The following CACNA1C variants were observed in gnomAD, a reference collection of about 807,000 sequenced individuals.
CACNA1C encodes the protein voltage-dependent L-type calcium channel subunit alpha-1C.
CACNA1C carries 30 observed loss-of-function variants against 229.0 expected under a neutral mutation model. The ratio of observed to expected loss-of-function variants is 0.13; its 90% CI spans 0.10 to 0.18. The LOEUF (loss-of-function observed/expected upper bound fraction) is 0.18. Among genes scored for constraint, CACNA1C ranks in the 10% least tolerant of loss-of-function variants. The pLI, the probability that CACNA1C is intolerant of heterozygous loss-of-function variation, is 1.00. For missense variants in CACNA1C, 1,658 were observed against 2,845.0 expected (o/e 0.58, Z 9.49); for synonymous variants, 1,114 against 1,132.5 (o/e 0.98, Z 0.33).
chr12:2,203,357 G>A (rs975826591), intron 3 of CACNA1C, among the ~76,000 whole-genome samples: 7 of 152,158 alleles, frequency 4.6e-5, no homozygotes, highest in Non-Finnish European at 7.4e-5. Context: ...GGGACTGTTC[G>A]TTGTTAGGGG....
At chr12:2,155,248 C>T (rs2095500382) in intron 3 of CACNA1C, among the ~76,000 whole-genome samples, 1 of 152,142 alleles carries the variant, frequency 6.6e-6, no homozygotes, top group African/African-American at 2.4e-5. Context: ...ATTGATGGAC[C>T]TGTGGACAAC....
chr12:2,040,646 G>A (rs905513985), intron 1 of CACNA1C, among the ~76,000 whole-genome samples: 2 of 152,180 alleles, frequency 1.3e-5, no homozygotes, highest in African/African-American at 2.4e-5. Flanking sequence ...TTTTTCCAAA[G>A]AGGAATAAAA....
chr12:2,558,564 G>A (rs939048866), intron 11 of CACNA1C, among the ~76,000 whole-genome samples: 1 of 152,174 alleles, frequency 6.6e-6, no homozygotes, highest in Non-Finnish European at 1.5e-5. Context: ...TTGGCCTACC[G>A]GTGTCCCATC....
At chr12:2,468,632 G>A (rs1399393848) in intron 5 of CACNA1C, among the ~76,000 whole-genome samples, 1 of 152,232 alleles carries the variant, frequency 6.6e-6, no homozygotes, top group Non-Finnish European at 1.5e-5. Context: ...TGGCTCTAGA[G>A]ATTGAGAGTA....
chr12:2,342,812 T>A (rs926586140), intron 3 of CACNA1C, among the ~76,000 whole-genome samples: 4 of 152,200 alleles, frequency 2.6e-5, no homozygotes, highest in Non-Finnish European at 4.4e-5. Context: ...GTGTTGTCTT[T>A]GTGAGCCCTT....
At chr12:2,164,175 TC>T in intron 3 of CACNA1C, among the ~76,000 whole-genome samples, 1 of 152,296 alleles carries the variant, frequency 6.6e-6, no homozygotes, top group East Asian at 1.9e-4. Context: ...TTTAAGAATA[TC>T]CCCTTGCACC....
chr12:2,246,980 C>G (rs2073590690), intron 3 of CACNA1C, among the ~76,000 whole-genome samples: 1 of 152,194 alleles, frequency 6.6e-6, no homozygotes, highest in South Asian at 2.1e-4. Flanking sequence ...CTACACATGC[C>G]TGCAATAACT....
intron 3 of CACNA1C, among the ~76,000 whole-genome samples, chr12:2,387,570 A>G (rs1423858217): frequency 6.6e-6 from 1 of 152,170 alleles, no homozygotes; most frequent in Non-Finnish European, 1.5e-5. Flanking sequence ...AGCAATGACT[A>G]ATAATGAACT....
chr12:2,558,440 C>T (rs904732155), intron 11 of CACNA1C, among the ~76,000 whole-genome samples: 1 of 152,346 alleles, frequency 6.6e-6, no homozygotes, highest in South Asian at 2.1e-4. Flanking sequence ...CCCTTGAGTT[C>T]TGTTGGCCCA....
In CACNA1C at chr12:2,189,539, C is replaced by T. The variant is rs147058730; in HGVS notation, c.477+69109C>T. 3.3e-5 allele frequency among the ~76,000 whole-genome samples: 5 copies of T among 152,208 alleles called. No homozygotes were observed. The East Asian group carries it at 5.8e-4, about 18-fold the overall frequency. ...TGCCTGTGTGGGGACTGAAGCTGGGCGCTGGCTGCTGCGCGAGATGAGGGG... is the reference window on the plus strand; with the variant it reads ...TGCCTGTGTGGGGACTGAAGCTGGGTGCTGGCTGCTGCGCGAGATGAGGGG... On this transcript the variant is annotated intron_variant, in intron 3 of 46. Transcript: ENST00000399655.
intron 3 of CACNA1C, among the ~76,000 whole-genome samples, chr12:2,136,866 T>C (rs2093566699): frequency 6.6e-6 from 1 of 151,384 alleles, no homozygotes; most frequent in African/African-American, 2.4e-5. Context: ...GAATCTCTGG[T>C]TGGGGTGAGG....
At chr12:2,682,112 C>A in intron 42 of CACNA1C, 1 of 1,004,494 alleles carries the variant, frequency 1.0e-6, no homozygotes, top group South Asian at 1.4e-5. Context: ...TCAAGGGCAC[C>A]ATCAAAATAA....
chr12:2,230,218 C>T (rs1358829426), intron 3 of CACNA1C, among the ~76,000 whole-genome samples: 1 of 152,118 alleles, frequency 6.6e-6, no homozygotes, highest in Non-Finnish European at 1.5e-5. Flanking sequence ...GCCCGGGGGG[C>T]GGGCCTGGCG....
intron 3 of CACNA1C, among the ~76,000 whole-genome samples, chr12:2,325,551 T>G (rs536875304): frequency 1.3e-5 from 2 of 152,344 alleles, no homozygotes; most frequent in East Asian, 3.9e-4. Flanking sequence ...CTTGGACAAA[T>G]TATGCAAACT....
intron 3 of CACNA1C, among the ~76,000 whole-genome samples, chr12:2,345,495 T>G (rs1269132100): frequency 1.3e-5 from 2 of 152,192 alleles, no homozygotes; most frequent in Non-Finnish European, 2.9e-5. Flanking sequence ...ACTAACTCAG[T>G]AACTTTTACA....
At chr12:1,974,703 T>G (rs2033744310) in intron 1 of CACNA1C, among the ~76,000 whole-genome samples, 1 of 152,100 alleles carries the variant, frequency 6.6e-6, no homozygotes, top group Non-Finnish European at 1.5e-5. Flanking sequence ...ATAATGGCAA[T>G]CCCAAGCTTA....
In CACNA1C at chr12:2,488,150, A is replaced by G. The variant is rs2099704257; in HGVS notation, c.916+1888A>G. Reference sequence around the variant, plus strand: ...CTGTGCAATCAGAGGTCTGTGCACCACAGAGTAAGGAGAGGGGCTCCAAAG... The same window carrying G: ...CTGTGCAATCAGAGGTCTGTGCACCGCAGAGTAAGGAGAGGGGCTCCAAAG... On this transcript the variant is annotated intron_variant, in intron 6 of 46. Transcript: ENST00000399655. This position sits in a 1 kb window ranked among gnomAD's most constrained non-coding sequence, Gnocchi z 4.0. 2.6e-5 allele frequency among the ~76,000 whole-genome samples: 4 copies of G among 152,168 alleles called. No homozygotes were observed. Among genetic ancestry groups the G allele is most frequent in the African/African-American group, 9.6e-5 (4 of 41,452 alleles).
At chr12:2,448,481 G>T (rs1596526701) in intron 3 of CACNA1C, among the ~76,000 whole-genome samples, 1 of 152,090 alleles carries the variant, frequency 6.6e-6, no homozygotes, top group African/African-American at 2.4e-5. Flanking sequence ...CTGCATTTTT[G>T]CTCTGTCTTT....
At chr12:2,440,468 C>T (rs1364469027) in intron 3 of CACNA1C, among the ~76,000 whole-genome samples, 1 of 152,124 alleles carries the variant, frequency 6.6e-6, no homozygotes, top group Non-Finnish European at 1.5e-5. Flanking sequence ...GTAGGCACCA[C>T]ATTTTGTTTA....
Sources: allele counts gnomAD v4.1 joint callset (sites outside exome capture counted in the v4.1 genomes callset), GRCh38; gene constraint gnomAD v4.1.1; non-coding constraint Gnocchi (gnomAD v3.1); transcripts MANE v1.5; gene names NCBI Gene and HGNC (gene_info 2026-07-23, HGNC 2026-07-21).